Variants in DPF3 observed in about 807,000 individuals in gnomAD.
DPF3 encodes zinc finger protein DPF3.
DPF3 carries 18 observed loss-of-function variants against 56.8 expected under a neutral mutation model. The observed-to-expected ratio is 0.32, with a 90% CI of 0.22 to 0.47. DPF3 has a LOEUF of 0.47. Among genes scored for constraint, DPF3 ranks in the 20% least tolerant of loss-of-function variants. DPF3 has a pLI of 1.00. For missense variants in DPF3, 403 were observed against 488.8 expected (o/e 0.82, Z 1.65); for synonymous variants, 188 against 180.2 (o/e 1.04, Z -0.35).
At chr14:72,706,386 T>C (rs1169934923) in intron 6 of DPF3, among the ~76,000 whole-genome samples, 2 of 152,188 alleles carry the variant, frequency 1.3e-5, no homozygotes, top group African/African-American at 4.8e-5. Context: ...CAGTGTGCTA[T>C]CTCCTGCACA....
intron 9 of DPF3, among the ~76,000 whole-genome samples, chr14:72,621,246 T>C (rs773274564): frequency 3.5e-4 from 54 of 152,200 alleles, no homozygotes; most frequent in Admixed American, 3.5e-3. Flanking sequence ...TATAAAGCCC[T>C]TGGGGGCAAA....
intron 9 of DPF3, among the ~76,000 whole-genome samples, chr14:72,629,162 A>G (rs1410789529): frequency 2.6e-5 from 4 of 152,208 alleles, no homozygotes; most frequent in Non-Finnish European, 5.9e-5. Context: ...TATCCTTTTG[A>G]GATACATATG....
chr14:72,756,543 T>C (rs1032637638), intron 2 of DPF3, among the ~76,000 whole-genome samples: 4 of 152,250 alleles, frequency 2.6e-5, no homozygotes, highest in Admixed American at 6.5e-5. Context: ...CCGGGTACAG[T>C]GGCTGACGTC....
Position 72,771,802 on chromosome 14 carries a change from G to C in DPF3, c.124C>G (p.Leu42Val), listed in dbSNP as rs754380463. ...TGGGCCACCCCAGTCTGTGAGTCCAGGAAGGGAAGACGCACGCTGCGCTCT... is the reference window on the plus strand; with the variant it reads ...TGGGCCACCCCAGTCTGTGAGTCCACGAAGGGAAGACGCACGCTGCGCTCT... ...CAERSVRLPF[L>V]DSQTGVAQNN... Residue 42 changes from leucine (L) to valine (V), a missense_variant, in exon 2 of 11, where the codon CTG (leucine) becomes GTG (valine). By Grantham distance (32) the Leu-to-Val change is conservative. Coordinates refer to ENST00000556509, the MANE Select transcript of DPF3 (RefSeq NM_001280542.3). The C allele has an allele frequency of 6.2e-7, 1 of 1,613,936 alleles. No homozygotes were observed.
intron 6 of DPF3, among the ~76,000 whole-genome samples, chr14:72,707,065 G>T (rs1888436529): frequency 6.6e-6 from 1 of 152,010 alleles, no homozygotes; most frequent in African/African-American, 2.4e-5. Context: ...CTATGAGTGA[G>T]AATATGCGGT....
rs527548567 is a variant in DPF3 at position 72,617,999 on chromosome 14, A to G, written c.*1298T>C. 6.6e-6 allele frequency among the ~76,000 whole-genome samples: 1 copy of G among 152,182 alleles called. No individual in the cohort carries two copies. The highest frequency in any genetic ancestry group is 6.5e-5 in the Admixed American group (1 of 15,280). The stretch of plus-strand genomic sequence containing the variant: ...CCAATCCGCTCCAGCCCTCGGGGCT[A>G]TCTTCCAACACACAGAGTTCTCGGA... On this transcript the variant is annotated 3_prime_UTR_variant, in exon 11 of 11. Coordinates refer to ENST00000556509, the MANE Select transcript of DPF3 (RefSeq NM_001280542.3).
chr14:72,756,443 C>T (rs1363782347), intron 2 of DPF3, among the ~76,000 whole-genome samples: 5 of 152,100 alleles, frequency 3.3e-5, no homozygotes. Flanking sequence ...GCAGGTGGAT[C>T]CTGAGGGTTC....
chr14:72,651,875 T>C (rs142751907), intron 8 of DPF3, among the ~76,000 whole-genome samples: 86 of 152,294 alleles, frequency 5.6e-4, no homozygotes, highest in Non-Finnish European at 8.7e-4. Flanking sequence ...ACCACCCAGA[T>C]TGCCTTTGCT....
In DPF3 at chr14:72,753,335, C is replaced by T. The variant is rs1475942758; in HGVS notation, c.230G>A (p.Arg77His). ...CAATCGTCTCTTCTTGCGCCAGCAGCGGGCAGGGTATGTATACAGCTGGCC... is the reference window on the plus strand; with the variant it reads ...CAATCGTCTCTTCTTGCGCCAGCAGTGGGCAGGGTATGTATACAGCTGGCC... ...APGQLYTYPA[R>H]CWRKKRRLHP... Residue 77 changes from arginine (R) to histidine (H), a missense_variant, in exon 3 of 11, where the codon CGC becomes CAC. Physicochemically the swap from Arg to His is conservative, Grantham distance 29 (BLOSUM62 0). Transcript: ENST00000556509. 11 of 1,613,152 alleles carry T rather than the reference C, an allele frequency of 6.8e-6. No individual in the cohort carries two copies. Among genetic ancestry groups the T allele is most frequent in the South Asian group, 1.1e-5 (1 of 91,038 alleles).
At chr14:72,629,491 G>A (rs538396197) in intron 9 of DPF3, 133 bp downstream of exon 9, 3 of 729,050 alleles carry the variant, frequency 4.1e-6, no homozygotes, top group Non-Finnish European at 6.8e-6. Context: ...AGGGCTAATG[G>A]CCAGGTTGCT....
At chr14:72,830,434 AG>A (rs370193321) in intron 1 of DPF3, among the ~76,000 whole-genome samples, 1 of 152,230 alleles carries the variant, frequency 6.6e-6, no homozygotes, top group African/African-American at 2.4e-5. Context: ...TGGGAACAAG[AG>A]ACTCAGAGGT....
intron 5 of DPF3, among the ~76,000 whole-genome samples, chr14:72,716,722 A>C (rs1428014625): frequency 1.3e-5 from 2 of 152,220 alleles, no homozygotes; most frequent in African/African-American, 4.8e-5. Context: ...CGCCAAATGG[A>C]TGAATCAATC....
intron 1 of DPF3, among the ~76,000 whole-genome samples, chr14:72,798,162 G>A (rs1188208596): frequency 6.8e-6 from 1 of 147,060 alleles, no homozygotes; most frequent in African/African-American, 2.5e-5. Context: ...GCTGAGGCAG[G>A]AGAATTGATT....
At chr14:72,652,317 G>T (rs1402216885) in intron 8 of DPF3, among the ~76,000 whole-genome samples, 1 of 152,152 alleles carries the variant, frequency 6.6e-6, no homozygotes, top group Non-Finnish European at 1.5e-5. Context: ...ATGACTCATT[G>T]GTGGTGGTGG....
At chr14:72,700,372 C>G (rs987369332) in intron 6 of DPF3, among the ~76,000 whole-genome samples, 2 of 152,170 alleles carry the variant, frequency 1.3e-5, no homozygotes, top group Non-Finnish European at 2.9e-5. Flanking sequence ...AGGGCCCCCG[C>G]ATTTTCATTT....
chr14:72,690,835 A>T (rs962903744), intron 7 of DPF3, among the ~76,000 whole-genome samples: 1 of 152,176 alleles, frequency 6.6e-6, no homozygotes, highest in Non-Finnish European at 1.5e-5. Flanking sequence ...AAGCTAATAA[A>T]CACTTTAGAG....
intron 6 of DPF3, among the ~76,000 whole-genome samples, chr14:72,706,277 C>T (rs147772998): frequency 2.6e-4 from 39 of 152,314 alleles, no homozygotes; most frequent in African/African-American, 9.1e-4. Context: ...CTTGGCATCC[C>T]GGGGCTGCAC....
At chr14:72,791,211 C>T (rs1046113156) in intron 1 of DPF3, among the ~76,000 whole-genome samples, 1 of 152,314 alleles carries the variant, frequency 6.6e-6, no homozygotes, top group African/African-American at 2.4e-5. Flanking sequence ...AGACATGTTA[C>T]TAAACACTCC....
intron 1 of DPF3, among the ~76,000 whole-genome samples, chr14:72,832,592 C>T (rs1217827731): frequency 2.9e-5 from 4 of 138,294 alleles, no homozygotes; most frequent in African/African-American, 1.0e-4. Flanking sequence ...TAACCATGAA[C>T]TACAGATAGG....
Sources: allele counts gnomAD v4.1 joint callset (sites outside exome capture counted in the v4.1 genomes callset), GRCh38; gene constraint gnomAD v4.1.1; transcripts MANE v1.5; gene names NCBI Gene and HGNC (gene_info 2026-07-23, HGNC 2026-07-21).